Variants in SMCO2 observed in about 807,000 individuals in gnomAD.
The protein encoded by SMCO2 is single-pass membrane and coiled-coil domain-containing protein 2.
In SMCO2, 25 loss-of-function variants were observed where a neutral mutation model predicts 29.5. That is an observed-to-expected ratio of 0.85 (90% CI 0.62 to 1.18). SMCO2 has a LOEUF of 1.18. Ranked by LOEUF, SMCO2 falls within the 50% of genes most tolerant of loss-of-function variation. SMCO2 has a pLI of 0.00. For missense variants in SMCO2, 348 were observed against 344.5 expected, an observed-to-expected ratio of 1.01 and a Z score of -0.08; for synonymous variants, 117 against 123.3, an observed-to-expected ratio of 0.95 and a Z score of 0.34.
the SMCO2 span, among the ~76,000 whole-genome samples, chr12:27,433,328 A>G: frequency 1.3e-5 from 2 of 152,176 alleles, no homozygotes; most frequent in Non-Finnish European, 2.9e-5. Context: ...GTTGACTAAT[A>G]TTATCTGTGG....
intron 5 of SMCO2, among the ~76,000 whole-genome samples, chr12:27,493,312 T>G (rs1942952455): frequency 6.6e-6 from 1 of 151,980 alleles, no homozygotes; most frequent in African/African-American, 2.4e-5. Context: ...AACCTTCACA[T>G]GTACTCCTAA....
At chr12:27,491,957 ACCT>A (rs1942919435) in intron 5 of SMCO2, among the ~76,000 whole-genome samples, 1 of 151,726 alleles carries the variant, frequency 6.6e-6, no homozygotes, top group African/African-American at 2.4e-5. Context: ...CGATTCTCCC[ACCT>A]CAGCCTCCCA....
intron 7 of SMCO2, chr12:27,496,889 A>C (rs1452645461): frequency 6.6e-6 from 1 of 151,140 alleles, no homozygotes; most frequent in Non-Finnish European, 1.5e-5. Flanking sequence ...CATGAATCTT[A>C]TCTTCGTAAT....
intron 1 of SMCO2, among the ~76,000 whole-genome samples, chr12:27,469,701 T>C (rs1671252195): frequency 6.6e-6 from 1 of 152,188 alleles, no homozygotes; most frequent in Non-Finnish European, 1.5e-5. Flanking sequence ...GATTTCTGCC[T>C]ATAACTAGGA....
chr12:27,438,708 G>A, the SMCO2 span, among the ~76,000 whole-genome samples: 1 of 152,080 alleles, frequency 6.6e-6, no homozygotes, highest in Non-Finnish European at 1.5e-5. Flanking sequence ...ACAGGAGATT[G>A]GAGTTTCCAG....
At chr12:27,473,350 C>T (rs1349574899) in intron 3 of SMCO2, among the ~76,000 whole-genome samples, 1 of 152,098 alleles carries the variant, frequency 6.6e-6, no homozygotes, top group Non-Finnish European at 1.5e-5. Flanking sequence ...AACTCCTGGT[C>T]TCTTGTCTTC....
chr12:27,477,209 G>GTTTTTTTTTTTTTTTTTTTTTTTTTT (rs1565676380), intron 4 of SMCO2, among the ~76,000 whole-genome samples: 1 of 134,054 alleles, frequency 7.5e-6, no homozygotes, highest in African/African-American at 2.7e-5. Flanking sequence ...TTGGCTGTCA[G>GTTTTTTTTTTTTTTTTTTTTTTTTTT]GTTTTTTTTT....
chr12:27,498,104 G>T (rs1364772290), intron 7 of SMCO2: 7 of 326,788 alleles, frequency 2.1e-5, no homozygotes, highest in Non-Finnish European at 4.2e-5. Flanking sequence ...TTAGACATCT[G>T]TTGCTTATGG....
the SMCO2 span, among the ~76,000 whole-genome samples, chr12:27,432,505 C>A: frequency 6.6e-6 from 1 of 152,076 alleles, no homozygotes; most frequent in Non-Finnish European, 1.5e-5. Context: ...CTAATTTATA[C>A]AACTATATAA....
At chr12:27,451,061 T>G in the SMCO2 span, among the ~76,000 whole-genome samples, 1 of 152,230 alleles carries the variant, frequency 6.6e-6, no homozygotes, top group South Asian at 2.1e-4. Flanking sequence ...ATGTAAATAA[T>G]AGAAAGATAC....
At chr12:27,488,433 G>GGCCTTA in intron 4 of SMCO2, 27 bp from the exon 6 acceptor site, 1 of 1,425,492 alleles carries the variant, frequency 7.0e-7, no homozygotes, top group African/African-American at 1.5e-5. Context: ...TTAATCTGCA[G>GGCCTTA]GCCTTAGTAT....
chr12:27,445,286 A>C, the SMCO2 span, among the ~76,000 whole-genome samples: 115 of 152,372 alleles, frequency 7.5e-4, no homozygotes, highest in Middle Eastern at 3.4e-3. Flanking sequence ...ATACATGTAT[A>C]GTGTACCTCA....
At chr12:27,475,416 T>C (rs1056045269) in intron 4 of SMCO2, among the ~76,000 whole-genome samples, 166 bp from the exon 5 acceptor site, 3 of 152,228 alleles carry the variant, frequency 2.0e-5, no homozygotes, top group South Asian at 2.1e-4. Context: ...GGATATCAAA[T>C]AAATACCCAA....
chr12:27,430,391 T>C, the SMCO2 span, among the ~76,000 whole-genome samples: 8 of 152,194 alleles, frequency 5.3e-5, no homozygotes, highest in Non-Finnish European at 1.0e-4. Context: ...TTATAAAATA[T>C]AAGAAAACAG....
At chr12:27,478,988 G>C (rs534894649) in intron 4 of SMCO2, among the ~76,000 whole-genome samples, 4 of 152,278 alleles carry the variant, frequency 2.6e-5, no homozygotes, top group African/African-American at 9.6e-5. Flanking sequence ...AGAGTGAGTT[G>C]ATTACCAGGC....
At chr12:27,462,338 C>T (rs892610805), upstream of SMCO2, among the ~76,000 whole-genome samples, 2 of 152,072 alleles carry the variant, frequency 1.3e-5, no homozygotes, top group African/African-American at 4.8e-5. Flanking sequence ...CCCCCTTACT[C>T]CCTTTCTTTT....
At chr12:27,436,204 G>A in the SMCO2 span, among the ~76,000 whole-genome samples, 4 of 152,136 alleles carry the variant, frequency 2.6e-5, no homozygotes, top group Non-Finnish European at 5.9e-5. Context: ...ATCACAGTGG[G>A]GGTTAGGATT....
the SMCO2 span, among the ~76,000 whole-genome samples, chr12:27,440,453 GA>G: frequency 2.0e-5 from 3 of 152,144 alleles, no homozygotes; most frequent in South Asian, 4.1e-4. Flanking sequence ...GACAAACCCG[GA>G]ATACTCTATG....
chr12:27,470,583 G>T (rs116271792), intron 1 of SMCO2, 39 bp from the exon 2 acceptor site: 1 of 1,534,772 alleles, frequency 6.5e-7, no homozygotes, highest in Non-Finnish European at 8.8e-7. Flanking sequence ...TGCCATTTCT[G>T]CCATAAAATC....
Sources: allele counts gnomAD v4.1 joint callset (sites outside exome capture counted in the v4.1 genomes callset), GRCh38; gene constraint gnomAD v4.1.1; transcripts MANE v1.5; gene names NCBI Gene and HGNC (gene_info 2026-07-23, HGNC 2026-07-21).